The following CNTNAP5 variants were observed in gnomAD, a reference collection of about 807,000 sequenced individuals.
CNTNAP5 encodes the protein contactin-associated protein-like 5.
A neutral mutation model predicts 150.2 loss-of-function variants in CNTNAP5; 72 were observed. That is an observed-to-expected ratio of 0.48 (90% CI 0.40 to 0.58). The LOEUF is 0.58. Ranked by LOEUF, CNTNAP5 falls within the 20% of genes least tolerant of loss-of-function variation. CNTNAP5 has a pLI of 0.00. For missense variants in CNTNAP5, 1,636 were observed against 1,626.2 expected (o/e 1.01, Z -0.10); for synonymous variants, 672 against 619.8 (o/e 1.08, Z -1.25).
chr2:124,049,694 A>C (rs1490562394), intron 1 of CNTNAP5, among the ~76,000 whole-genome samples: 1 of 152,216 alleles, frequency 6.6e-6, no homozygotes, highest in Non-Finnish European at 1.5e-5. Context: ...GAGAGGGCTA[A>C]AGAAGCTAAC....
chr2:124,190,268 G>A (rs1470303214), intron 1 of CNTNAP5, among the ~76,000 whole-genome samples: 1 of 152,184 alleles, frequency 6.6e-6, no homozygotes. Flanking sequence ...TAGCAATGAT[G>A]TTTTTGAGCA....
intron 1 of CNTNAP5, among the ~76,000 whole-genome samples, chr2:124,179,069 T>C (rs924314003): frequency 6.6e-6 from 1 of 151,814 alleles, no homozygotes; most frequent in African/African-American, 2.4e-5. Flanking sequence ...ACCCACTCAC[T>C]CCCATTCCAT....
chr2:124,360,338 T>G (rs1690162441), intron 3 of CNTNAP5, among the ~76,000 whole-genome samples: 1 of 149,708 alleles, frequency 6.7e-6, no homozygotes. Flanking sequence ...TGTGTGAATT[T>G]GATCCTGTCA....
intron 3 of CNTNAP5, among the ~76,000 whole-genome samples, chr2:124,362,145 G>A (rs566897447): frequency 5.3e-5 from 8 of 152,334 alleles, no homozygotes; most frequent in African/African-American, 1.4e-4. Flanking sequence ...CCCAAGTGAG[G>A]CAATGCCTCG....
intron 1 of CNTNAP5, among the ~76,000 whole-genome samples, chr2:124,203,895 C>T (rs1262247535): frequency 6.6e-6 from 1 of 152,224 alleles, no homozygotes; most frequent in East Asian, 1.9e-4. Context: ...AAGACATTTT[C>T]CCCATTGTCT....
At chr2:124,506,623 T>C (rs1383172892) in intron 8 of CNTNAP5, among the ~76,000 whole-genome samples, 1 of 152,238 alleles carries the variant, frequency 6.6e-6, no homozygotes, top group Admixed American at 6.5e-5. Context: ...AAAGTATTAA[T>C]ATGTTTTCTC....
At chr2:124,747,415 G>A (rs1680627868) in intron 14 of CNTNAP5, 30 bp downstream of exon 14, 1 of 1,612,568 alleles carries the variant, frequency 6.2e-7, no homozygotes, top group South Asian at 1.1e-5. Context: ...TTCTGCAATT[G>A]TAGAGAAAGC....
At chr2:124,582,813 ACTT>A (rs1338103224) in intron 11 of CNTNAP5, among the ~76,000 whole-genome samples, 1 of 152,194 alleles carries the variant, frequency 6.6e-6, no homozygotes, top group Non-Finnish European at 1.5e-5. Flanking sequence ...GTTTTAATTA[ACTT>A]CTTGACACAA....
intron 11 of CNTNAP5, among the ~76,000 whole-genome samples, chr2:124,581,523 G>A (rs1416753640): frequency 1.3e-5 from 2 of 152,090 alleles, no homozygotes; most frequent in Admixed American, 6.6e-5. Flanking sequence ...GGACTTTGTC[G>A]AATATTGGTA....
chr2:124,882,651 T>A (rs560584969), intron 21 of CNTNAP5, among the ~76,000 whole-genome samples: 2 of 152,124 alleles, frequency 1.3e-5, no homozygotes, highest in Non-Finnish European at 2.9e-5. Context: ...ACATTTCAGA[T>A]GCAGATCACA....
At chr2:124,772,598 CA>C in intron 16 of CNTNAP5, among the ~76,000 whole-genome samples, 200 bp from the exon 17 acceptor site, 1 of 152,044 alleles carries the variant, frequency 6.6e-6, no homozygotes, top group East Asian at 1.9e-4. Context: ...GCAAACGTAG[CA>C]GGAAAAAAAC....
chr2:124,815,922 G>A (rs1013335490), intron 19 of CNTNAP5, among the ~76,000 whole-genome samples: 10 of 152,196 alleles, frequency 6.6e-5, no homozygotes, highest in East Asian at 1.9e-4. Flanking sequence ...AATAAATGAC[G>A]TTTTAAAGGT....
intron 12 of CNTNAP5, among the ~76,000 whole-genome samples, chr2:124,614,522 A>G (rs1208860578): frequency 6.6e-6 from 1 of 152,132 alleles, no homozygotes; most frequent in African/African-American, 2.4e-5. Flanking sequence ...TTTTCCAGGA[A>G]AGTGGTGGGC....
intron 19 of CNTNAP5, among the ~76,000 whole-genome samples, chr2:124,827,714 T>C (rs919662123): frequency 6.6e-6 from 1 of 152,222 alleles, no homozygotes; most frequent in African/African-American, 2.4e-5. Flanking sequence ...TTTTTTATCG[T>C]AATTACCAAC....
At chr2:124,501,138 G>GT (rs1694270376) in intron 7 of CNTNAP5, among the ~76,000 whole-genome samples, 1 of 152,170 alleles carries the variant, frequency 6.6e-6, no homozygotes. Context: ...AAGGCCAGTG[G>GT]TTTTACCTTG....
At chr2:124,330,623 T>C (rs1689326784) in intron 3 of CNTNAP5, among the ~76,000 whole-genome samples, 1 of 152,188 alleles carries the variant, frequency 6.6e-6, no homozygotes, top group African/African-American at 2.4e-5. Context: ...TCCACCATGA[T>C]TGTAAGTTTC....
intron 3 of CNTNAP5, among the ~76,000 whole-genome samples, chr2:124,267,558 C>A (rs1441691011): frequency 2.0e-5 from 3 of 152,056 alleles, no homozygotes; most frequent in Admixed American, 2.0e-4. Context: ...ATATATTAGT[C>A]TTTAGGGCTT....
At chr2:124,833,433 C>T (rs1020430633) in intron 19 of CNTNAP5, among the ~76,000 whole-genome samples, 1 of 152,080 alleles carries the variant, frequency 6.6e-6, no homozygotes, top group Admixed American at 6.6e-5. Flanking sequence ...TCCAAATGGT[C>T]CTTATCTGTA....
intron 3 of CNTNAP5, among the ~76,000 whole-genome samples, chr2:124,378,099 C>T (rs1008403087): frequency 6.6e-6 from 1 of 152,040 alleles, no homozygotes; most frequent in African/African-American, 2.4e-5. Flanking sequence ...GGGACTGATG[C>T]TTACTTAAAA....
Sources: allele counts gnomAD v4.1 joint callset (sites outside exome capture counted in the v4.1 genomes callset), GRCh38; gene constraint gnomAD v4.1.1; transcripts MANE v1.5; gene names NCBI Gene and HGNC (gene_info 2026-07-23, HGNC 2026-07-21).